FGD4: variants seen among roughly 807,000 people sequenced by gnomAD.
FGD4 encodes FYVE, RhoGEF and PH domain-containing protein 4.
A neutral mutation model predicts 102.0 loss-of-function variants in FGD4; 42 were observed. The ratio of observed to expected loss-of-function variants is 0.41; its 90% CI spans 0.32 to 0.53. The LOEUF is 0.53. Among genes scored for constraint, FGD4 ranks in the 20% least tolerant of loss-of-function variants. The probability of loss-of-function intolerance (pLI) is 0.21; values close to 1 mark genes in which losing one functional copy is unlikely to be tolerated. For missense variants in FGD4, 902 were observed against 1,078.2 expected, an observed-to-expected ratio of 0.84 and a Z score of 2.29; for synonymous variants, 380 against 375.7, an observed-to-expected ratio of 1.01 and a Z score of -0.13.
At chr12:32,503,584 G>C (rs986806057) in intron 1 of FGD4, among the ~76,000 whole-genome samples, 2 of 152,022 alleles carry the variant, frequency 1.3e-5, no homozygotes, top group Non-Finnish European at 1.5e-5. Flanking sequence ...TGTGCTTACT[G>C]GTGTTTGTAC....
Position 32,602,414 on chromosome 12 carries a change from G to A in FGD4, c.1404+97G>A, listed in dbSNP as rs536937837. On this transcript the variant is annotated intron_variant, in intron 7 of 16. Coordinates refer to ENST00000534526, the MANE Select transcript of FGD4 (RefSeq NM_001370298.3). ...AACTGAGATCTAGAGATCTGTCTGAGATACCTAGCCAAAATTCATTCTACT... is the reference window on the plus strand; with the variant it reads ...AACTGAGATCTAGAGATCTGTCTGAAATACCTAGCCAAAATTCATTCTACT... 73 of 1,429,634 alleles carry A rather than the reference G, an allele frequency of 5.1e-5. No individual in the cohort carries two copies. The South Asian group carries it at 6.0e-4, about 12-fold the overall frequency. The allele number at this position is 1,429,634 out of a possible 1,614,324, so 88.6% of individuals were successfully genotyped here. A position where few individuals can be genotyped will look rare whatever the true frequency, so the allele number is the denominator to read the frequency against.
rs1198854830 is a variant in FGD4, at chr12:32,645,359, T to C, written c.*4826T>C. 3 of 152,144 alleles carry C rather than the reference T, an allele frequency of 2.0e-5. No individual in the cohort carries two copies. The highest frequency in any genetic ancestry group is 4.8e-5 in the African/African-American group (2 of 41,434). 9.4% of individuals were successfully genotyped at this position (152,144 alleles called of 1,614,324 possible). On this transcript the variant is annotated 3_prime_UTR_variant, in exon 17 of 17. Coordinates refer to ENST00000534526, the MANE Select transcript of FGD4 (RefSeq NM_001370298.3). Reference sequence around the variant, plus strand: ...GACAATTGACATTTTAAAATAAGCATAGGCCGGGCATAGTGGCTCATGCCT... The same window carrying C: ...GACAATTGACATTTTAAAATAAGCACAGGCCGGGCATAGTGGCTCATGCCT...
intron 1 of FGD4, among the ~76,000 whole-genome samples, chr12:32,453,222 T>TATAG (rs1942849994): frequency 2.1e-5 from 1 of 48,306 alleles, no homozygotes; most frequent in African/African-American, 9.1e-5. Context: ...ATATATATAA[T>TATAG]ATAGATATAT....
intron 14 of FGD4, among the ~76,000 whole-genome samples, chr12:32,627,161 TC>T (rs1349809472): frequency 2.1e-5 from 3 of 143,782 alleles, no homozygotes; most frequent in Admixed American, 7.0e-5. Context: ...ACATTTTTTT[TC>T]TTTTTTTTTT....
chr12:32,411,447 T>C lies in FGD4; in HGVS notation c.166+11488T>C, dbSNP rs553870378. On this transcript the variant is annotated intron_variant, in intron 1 of 16. Coordinates refer to ENST00000534526, the MANE Select transcript of FGD4 (RefSeq NM_001370298.3). ...TACACAGGAGGCTGAGGCAGGAGAA[T>C]TGCTTGAACCCGAGAGGCAGAGGTT... Among the ~76,000 whole-genome samples, 209 of 151,896 alleles carry C rather than the reference T, an allele frequency of 1.4e-3. 2 individuals are homozygous for C. Among genetic ancestry groups the C allele is most frequent in the African/African-American group, 4.6e-3 (189 of 41,458 alleles).
chr12:32,620,581 C>G (rs1325212916), intron 11 of FGD4, among the ~76,000 whole-genome samples: 4 of 130,128 alleles, frequency 3.1e-5, no homozygotes, highest in Non-Finnish European at 6.1e-5. Context: ...GACTGGAGGG[C>G]AATGGTGCAG....
intron 1 of FGD4, among the ~76,000 whole-genome samples, chr12:32,518,764 C>T (rs931426222): frequency 5.3e-5 from 8 of 150,788 alleles, no homozygotes; most frequent in South Asian, 2.1e-4. Flanking sequence ...TTTAATGGCA[C>T]GATATTTAAA....
At chr12:32,503,532 C>T (rs1938415442) in intron 1 of FGD4, among the ~76,000 whole-genome samples, 1 of 152,136 alleles carries the variant, frequency 6.6e-6, no homozygotes, top group Non-Finnish European at 1.5e-5. Flanking sequence ...GTTGTGAGTT[C>T]TTGGTGTTAA....
intron 1 of FGD4, among the ~76,000 whole-genome samples, chr12:32,414,386 C>T (rs778116929): frequency 1.3e-5 from 2 of 152,076 alleles, no homozygotes; most frequent in Non-Finnish European, 2.9e-5. Flanking sequence ...GTAATAATCA[C>T]ATCGTGGAAA....
chr12:32,415,567 C>A (rs546444994), intron 1 of FGD4, among the ~76,000 whole-genome samples: 1 of 151,928 alleles, frequency 6.6e-6, no homozygotes, highest in Non-Finnish European at 1.5e-5. Context: ...GGACTACAGG[C>A]ACCTGCCACC....
At chr12:32,410,640 A>T (rs1001273236) in intron 1 of FGD4, among the ~76,000 whole-genome samples, 2 of 152,210 alleles carry the variant, frequency 1.3e-5, no homozygotes, top group African/African-American at 2.4e-5. Context: ...CTTAAGCGAG[A>T]ATAGAGTGAA....
At chr12:32,621,751 T>G (rs1053096185) in intron 11 of FGD4, among the ~76,000 whole-genome samples, 23 of 152,306 alleles carry the variant, frequency 1.5e-4, no homozygotes, top group African/African-American at 5.3e-4. Context: ...GTGTCATTGT[T>G]TCCCTACCTC....
intron 1 of FGD4, among the ~76,000 whole-genome samples, chr12:32,418,414 T>G (rs1591861078): frequency 1.3e-5 from 2 of 152,240 alleles, no homozygotes; most frequent in East Asian, 3.9e-4. Context: ...TTCAGGTATT[T>G]GAGGGGATGT....
chr12:32,537,437 C>G (rs1465859043), intron 1 of FGD4, among the ~76,000 whole-genome samples: 2 of 152,124 alleles, frequency 1.3e-5, no homozygotes, highest in Non-Finnish European at 2.9e-5. Context: ...CATTGTCTAC[C>G]TAACAGCCTG....
intron 8 of FGD4, among the ~76,000 whole-genome samples, chr12:32,608,652 A>G (rs1948945630): frequency 6.6e-6 from 1 of 152,178 alleles, no homozygotes; most frequent in African/African-American, 2.4e-5. Context: ...GTTTTTTTAA[A>G]GGCTTATGAG....
At chr12:32,488,414 G>A (rs1943979838) in intron 1 of FGD4, among the ~76,000 whole-genome samples, 1 of 151,906 alleles carries the variant, frequency 6.6e-6, no homozygotes, top group Non-Finnish European at 1.5e-5. Context: ...TGATTATACG[G>A]TCAGAATTTG....
intron 15 of FGD4, among the ~76,000 whole-genome samples, chr12:32,636,740 A>G (rs555874761): frequency 8.7e-4 from 132 of 152,286 alleles, no homozygotes; most frequent in Non-Finnish European, 1.7e-3. Context: ...ACCAACATGA[A>G]TAACACTGAG....
At chr12:32,452,893 G>A (rs189011561) in intron 1 of FGD4, among the ~76,000 whole-genome samples, 9 of 152,076 alleles carry the variant, frequency 5.9e-5, no homozygotes, top group Admixed American at 5.9e-4. Flanking sequence ...GCAGGCTGAG[G>A]TGGGAGATGG....
chr12:32,590,537 C>G (rs188284819), intron 4 of FGD4, among the ~76,000 whole-genome samples: 28 of 152,180 alleles, frequency 1.8e-4, no homozygotes, highest in Non-Finnish European at 3.2e-4. Flanking sequence ...TTCCCCAAAT[C>G]CAGAGGGATT....
Sources: allele counts gnomAD v4.1 joint callset (sites outside exome capture counted in the v4.1 genomes callset), GRCh38; gene constraint gnomAD v4.1.1; transcripts MANE v1.5; gene names NCBI Gene and HGNC (gene_info 2026-07-23, HGNC 2026-07-21).